The following CYRIB variants were observed in gnomAD, a reference collection of about 807,000 sequenced individuals.
CYRIB encodes the protein CYFIP-related Rac1 interactor B.
A neutral mutation model predicts 44.2 loss-of-function variants in CYRIB; 8 were observed. That is an observed-to-expected ratio of 0.18 (90% CI 0.11 to 0.33). The LOEUF (loss-of-function observed/expected upper bound fraction) is 0.33. Ranked by LOEUF, CYRIB falls within the 10% of genes least tolerant of loss-of-function variation. The probability of loss-of-function intolerance (pLI) is 1.00; values close to 1 mark genes in which losing one functional copy is unlikely to be tolerated. For missense variants in CYRIB, 185 were observed against 382.8 expected (o/e 0.48, Z 4.31); for synonymous variants, 131 against 127.2 (o/e 1.03, Z -0.20).
At chr8:129,899,899 T>C (rs949420280) in intron 2 of CYRIB, among the ~76,000 whole-genome samples, 2 of 152,230 alleles carry the variant, frequency 1.3e-5, no homozygotes, top group African/African-American at 4.8e-5. Context: ...CTTTGTAGTC[T>C]CTTTCATTAT....
chr8:129,988,809 C>T (rs1010977204), intron 1 of CYRIB, among the ~76,000 whole-genome samples: 1 of 145,114 alleles, frequency 6.9e-6, no homozygotes, highest in African/African-American at 2.6e-5. Flanking sequence ...AATTGAAAAA[C>T]GACCAGATGT....
rs183150588 is a variant in CYRIB at position 129,867,737 on chromosome 8, C to T, written c.195+3638G>A. ...TTGTCTAATTTTATCTTCATAATAA[C>T]GCTGTGAATTGCTTCCACATTTTTG... On this transcript the variant is annotated intron_variant, in intron 4 of 11. Transcript: ENST00000519824. Among the ~76,000 whole-genome samples the T allele has an allele frequency of 5.8e-4, 88 of 152,236 alleles. 1 individual carries two copies. The highest frequency in any genetic ancestry group is 4.8e-3 in the Admixed American group (74 of 15,296).
At chr8:129,850,356 G>A (rs2042626110) in intron 9 of CYRIB, 1 of 157,786 alleles carries the variant, frequency 6.3e-6, no homozygotes, top group Admixed American at 6.5e-5. Context: ...AAAAAAAACA[G>A]AATTCAGGTT....
chr8:129,922,831 C>G (rs1279238250), intron 1 of CYRIB, among the ~76,000 whole-genome samples: 1 of 150,966 alleles, frequency 6.6e-6, no homozygotes, highest in Non-Finnish European at 1.5e-5. Flanking sequence ...CCACTGCACT[C>G]CAGCCTGGGC....
chr8:129,959,821 T>A (rs1413304257), intron 2 of CYRIB, among the ~76,000 whole-genome samples: 2 of 152,026 alleles, frequency 1.3e-5, no homozygotes, highest in African/African-American at 4.8e-5. Context: ...CCACAATTAA[T>A]TGAAAGATGA....
intron 10 of CYRIB, among the ~76,000 whole-genome samples, chr8:129,847,759 A>G (rs1444576481): frequency 6.6e-6 from 1 of 152,194 alleles, no homozygotes; most frequent in African/African-American, 2.4e-5. Context: ...CAGAAAGAAC[A>G]CAGGCTTTGG....
intron 1 of CYRIB, among the ~76,000 whole-genome samples, chr8:129,908,584 C>T (rs1009968858): frequency 2.6e-5 from 4 of 151,756 alleles, no homozygotes; most frequent in African/African-American, 4.8e-5. Context: ...GCTAGTTTTG[C>T]TGAACATGGT....
rs544712110 is a variant in CYRIB at position 129,912,488 on chromosome 8, G to C, written c.-49-9138C>G. On this transcript the variant is annotated intron_variant, in intron 1 of 11. Coordinates refer to ENST00000519824, the Ensembl canonical transcript of CYRIB. Reference sequence around the variant, plus strand: ...GGCTTACCTGAGAAGTGCAAGGTTGGTTCAGAATACCTACTGTTTTCACCA... The same window carrying C: ...GGCTTACCTGAGAAGTGCAAGGTTGCTTCAGAATACCTACTGTTTTCACCA... The C allele has an allele frequency of 2.1e-3, 323 of 150,886 alleles. 1 individual carries two copies. Among genetic ancestry groups the C allele is most frequent in the African/African-American group, 7.5e-3 (306 of 41,050 alleles). The allele number at this position is 150,886 out of a possible 1,614,324, so 9.3% of individuals were successfully genotyped here.
chr8:129,999,956 C>T (rs1038902337), intron 1 of CYRIB, among the ~76,000 whole-genome samples: 2 of 152,110 alleles, frequency 1.3e-5, no homozygotes, highest in East Asian at 1.9e-4. Flanking sequence ...GAGGATTAAA[C>T]GAGATGATGT....
chr8:129,960,949 C>CAAA (rs35845303), intron 2 of CYRIB, among the ~76,000 whole-genome samples: 4 of 102,844 alleles, frequency 3.9e-5, no homozygotes, highest in East Asian at 2.5e-4. Context: ...GACTCAGTCT[C>CAAA]AAAAAAAAAA....
chr8:129,928,421 A>G (rs2137957435), intron 1 of CYRIB, among the ~76,000 whole-genome samples: 1 of 152,246 alleles, frequency 6.6e-6, no homozygotes, highest in South Asian at 2.1e-4. Flanking sequence ...TGGATACAAA[A>G]TATATAAAGA....
intron 2 of CYRIB, among the ~76,000 whole-genome samples, chr8:129,887,490 T>C (rs2063252984): frequency 6.6e-6 from 1 of 152,194 alleles, no homozygotes; most frequent in Non-Finnish European, 1.5e-5. Flanking sequence ...GTTGGAGTCC[T>C]CACTGAGGCA....
At chr8:129,984,966 A>G (rs7822775) in intron 1 of CYRIB, among the ~76,000 whole-genome samples, 76,129 of 151,872 alleles carry the variant, frequency 0.5, 21,817 homozygotes, top group African/African-American at 0.79. Flanking sequence ...TAGAGATGGG[A>G]TTTCTCCATG....
rs34140791 is a variant in CYRIB at position 129,924,273 on chromosome 8, C to CAA, written c.-50+15333_-50+15334dup. Among the ~76,000 whole-genome samples, 85 of 45,230 alleles carry CAA rather than the reference C, an allele frequency of 1.9e-3. 2 individuals carry two copies. The highest frequency in any genetic ancestry group is 2.9e-3 in the Non-Finnish European group (77 of 26,526). 29.7% of individuals were successfully genotyped at this position (45,230 alleles called of 152,430 possible). Reference sequence around the variant, plus strand: ...CAAGCGACAGAGTGAGACCTGCCTCCAAAAAAAAAAAAAAAACCGGGGGGG... The same window carrying CAA: ...CAAGCGACAGAGTGAGACCTGCCTCCAAAAAAAAAAAAAAAAAACCGGGGGGG... On this transcript the variant is annotated intron_variant, in intron 1 of 11. Coordinates refer to ENST00000519824, the Ensembl canonical transcript of CYRIB.
intron 2 of CYRIB, among the ~76,000 whole-genome samples, chr8:129,959,479 G>A (rs1321811512): frequency 6.6e-6 from 1 of 152,056 alleles, no homozygotes; most frequent in African/African-American, 2.4e-5. Context: ...CCGTACTAGA[G>A]AAGGTGAGTT....
At chr8:129,944,162 A>G (rs1490250299), upstream of CYRIB, among the ~76,000 whole-genome samples, 1 of 152,144 alleles carries the variant, frequency 6.6e-6, no homozygotes, top group Non-Finnish European at 1.5e-5. Flanking sequence ...TATCAGGATC[A>G]CTCTGACCAC....
At chr8:129,967,740 A>C (rs1221726672) in intron 2 of CYRIB, among the ~76,000 whole-genome samples, 1 of 152,156 alleles carries the variant, frequency 6.6e-6, no homozygotes, top group East Asian at 1.9e-4. Flanking sequence ...TACAGTGAAA[A>C]CTGAGGGTAT....
At chr8:129,981,281 A>C (rs1487544441) in intron 1 of CYRIB, among the ~76,000 whole-genome samples, 1 of 152,176 alleles carries the variant, frequency 6.6e-6, no homozygotes, top group Admixed American at 6.5e-5. Context: ...CTGGAACTAC[A>C]GGCACATGCC....
At chr8:129,982,845 C>T (rs1232041827) in intron 1 of CYRIB, among the ~76,000 whole-genome samples, 1 of 152,150 alleles carries the variant, frequency 6.6e-6, no homozygotes, top group Non-Finnish European at 1.5e-5. Flanking sequence ...GGGCTCACCA[C>T]CTCTTTCTGT....
Sources: gnomAD v4.1 joint callset for allele counts (sites outside exome capture counted in the v4.1 genomes callset) on GRCh38, gnomAD v4.1.1 for gene constraint, MANE v1.5 for transcripts, NCBI Gene and HGNC (gene_info 2026-07-23, HGNC 2026-07-21) for gene names.